The following CCDC57 variants were observed in gnomAD, a reference collection of about 807,000 sequenced individuals.
CCDC57 encodes coiled-coil domain-containing protein 57.
Under a neutral mutation model 118.9 loss-of-function variants are expected in CCDC57, and 118 were observed. The observed-to-expected ratio is 0.99, with a 90% CI of 0.86 to 1.16. The LOEUF is 1.16. Among genes scored for constraint, CCDC57 ranks in the 50% most tolerant of loss-of-function variants. The pLI, the probability that CCDC57 is intolerant of heterozygous loss-of-function variation, is 0.00. For missense variants in CCDC57, 1,300 were observed against 1,320.7 expected (o/e 0.98, Z 0.24); for synonymous variants, 527 against 532.9 (o/e 0.99, Z 0.15).
At position 82,195,379 on chromosome 17, in the gene CCDC57, T is replaced by G; in HGVS notation, c.517-15A>C. On this transcript the variant is annotated splice_polypyrimidine_tract_variant and intron_variant, in intron 4 of 19. Transcript: ENST00000665763. ...AGCAGCAGTTCCTGGAACAAACAGG[T>G]TTCATGATGAAAGAACAGTGGGAAC... The G allele has an allele frequency of 6.4e-7, 1 of 1,571,844 alleles. No homozygotes were observed. The highest frequency in any genetic ancestry group is 2.3e-5 in the East Asian group (1 of 42,742).
exon 9 of CCDC57, chr17:82,183,874 A>C: frequency 6.2e-7 from 1 of 1,613,664 alleles, no homozygotes; most frequent in Non-Finnish European, 8.5e-7. Flanking sequence ...ATCTCCTTAG[A>C]TAGTTGAGCA....
chr17:82,195,829 C>A (rs1315389787), intron 4 of CCDC57, among the ~76,000 whole-genome samples: 1 of 152,120 alleles, frequency 6.6e-6, no homozygotes, highest in African/African-American at 2.4e-5. Context: ...GTGCCAGCAT[C>A]CCAGAGCCCA....
chr17:82,145,694 G>A (rs888872720), intron 16 of CCDC57, among the ~76,000 whole-genome samples: 2 of 152,192 alleles, frequency 1.3e-5, no homozygotes, highest in Non-Finnish European at 2.9e-5. Flanking sequence ...CACTCTGTGG[G>A]CAGAGGGGCC....
intron 19 of CCDC57, among the ~76,000 whole-genome samples, chr17:82,119,742 G>A (rs2036417423): frequency 6.6e-6 from 1 of 152,002 alleles, no homozygotes; most frequent in Non-Finnish European, 1.5e-5. Flanking sequence ...GCAGGTAGCT[G>A]GGGGAAGAAG....
chr17:82,188,163 C>T (rs995367647), intron 8 of CCDC57, 56 bp downstream of exon 7: 37 of 1,458,002 alleles, frequency 2.5e-5, no homozygotes, highest in Non-Finnish European at 3.2e-5. Context: ...CCCAGGTCAG[C>T]ACAGCCACGG....
exon 9 of CCDC57, chr17:82,183,781 T>A: frequency 6.4e-7 from 1 of 1,558,876 alleles, no homozygotes; most frequent in Non-Finnish European, 8.7e-7. Flanking sequence ...TACCTTTCAA[T>A]GTCCTGCTGG....
chr17:82,134,141 C>A lies in CCDC57; in HGVS notation c.2509G>T (p.Glu837Ter). The change falls in exon 17 of 20, where the codon GAG becomes TAG. Residue 837 changes from glutamate (E) to a stop codon, truncating the protein, a stop_gained. Transcript: ENST00000665763. LOFTEE classifies it high-confidence loss of function. ...CGATCCAAAGGCCTCCTGGGCTCCT[C>A]GCCTGGCTTCCGGGCCTCAGGGGCA... 7.2e-7 allele frequency: 1 copy of A among 1,381,808 alleles called. No individual in the cohort carries two copies. Among genetic ancestry groups the A allele is most frequent in the Non-Finnish European group, 9.4e-7 (1 of 1,063,572 alleles). 85.6% of individuals were successfully genotyped at this position (1,381,808 alleles called of 1,614,324 possible).
intron 7 of CCDC57, among the ~76,000 whole-genome samples, chr17:82,193,484 T>G (rs1298144989): frequency 6.7e-6 from 1 of 149,636 alleles, no homozygotes. Flanking sequence ...GAGGGGAGGA[T>G]GCAGTGAGCC....
intron 11 of CCDC57, among the ~76,000 whole-genome samples, chr17:82,175,970 T>C (rs2045417543): frequency 6.6e-6 from 1 of 152,220 alleles, no homozygotes; most frequent in African/African-American, 2.4e-5. Context: ...ATCCCTGATC[T>C]CCCCAAATTT....
intron 8 of CCDC57, among the ~76,000 whole-genome samples, chr17:82,187,213 G>A (rs1015458716): frequency 5.8e-5 from 8 of 137,594 alleles, no homozygotes; most frequent in Non-Finnish European, 1.1e-4. Flanking sequence ...CTCCAGCCTC[G>A]GTAACAGAGC....
At chr17:82,188,051 CA>C (rs11346964) in intron 8 of CCDC57, among the ~76,000 whole-genome samples, 167 bp downstream of exon 7, 62,467 of 124,270 alleles carry the variant, frequency 0.5, 14,477 homozygotes, top group East Asian at 0.85. Context: ...AAAGAAAAGG[CA>C]AAAAAAAAAA....
intron 17 of CCDC57, among the ~76,000 whole-genome samples, chr17:82,129,258 G>T (rs368753656): frequency 1.7e-3 from 252 of 152,194 alleles, no homozygotes; most frequent in African/African-American, 5.8e-3. Context: ...GCCTCTGCCC[G>T]CCCCATGCCT....
intron 19 of CCDC57, among the ~76,000 whole-genome samples, chr17:82,111,806 C>T (rs1405171569): frequency 1.3e-5 from 2 of 151,916 alleles, no homozygotes; most frequent in East Asian, 3.9e-4. Context: ...GGGGTTTTAC[C>T]AAGTTGGCCA....
intron 17 of CCDC57, 132 bp downstream of exon 16, chr17:82,133,941 T>C: frequency 1.1e-6 from 1 of 899,746 alleles, no homozygotes; most frequent in Non-Finnish European, 1.5e-6. Context: ...ATGTTACTAA[T>C]AACTATATCT....
At chr17:82,149,817 A>G (rs2041620300) in intron 16 of CCDC57, among the ~76,000 whole-genome samples, 1 of 148,940 alleles carries the variant, frequency 6.7e-6, no homozygotes, top group Non-Finnish European at 1.5e-5. Context: ...CCTGACCCAC[A>G]CCCAGAACCA....
At chr17:82,165,553 AG>A (rs1187906830) in intron 13 of CCDC57, among the ~76,000 whole-genome samples, 1 of 151,674 alleles carries the variant, frequency 6.6e-6, no homozygotes, top group Non-Finnish European at 1.5e-5. Flanking sequence ...GGGGACGTGC[AG>A]GTGGAGCCCT....
At chr17:82,137,671 G>A (rs556488261) in intron 16 of CCDC57, among the ~76,000 whole-genome samples, 29 of 150,596 alleles carry the variant, frequency 1.9e-4, no homozygotes, top group Non-Finnish European at 4.0e-4. Flanking sequence ...GCTTTCAGGA[G>A]ACTTTTCTTT....
intron 16 of CCDC57, among the ~76,000 whole-genome samples, chr17:82,136,147 A>T (rs989413054): frequency 5.9e-5 from 9 of 152,180 alleles, no homozygotes; most frequent in Non-Finnish European, 1.3e-4. Context: ...CTGAATGTTC[A>T]CAGCAATATT....
chr17:82,206,978 G>A (rs1208739561), intron 2 of CCDC57, among the ~76,000 whole-genome samples: 1 of 152,114 alleles, frequency 6.6e-6, no homozygotes, highest in African/African-American at 2.4e-5. Flanking sequence ...GCCCTTTCCC[G>A]AAACAAACCC....
Sources: gnomAD v4.1 joint callset for allele counts (sites outside exome capture counted in the v4.1 genomes callset) on GRCh38, gnomAD v4.1.1 for gene constraint, MANE v1.5 for transcripts, NCBI Gene and HGNC (gene_info 2026-07-23, HGNC 2026-07-21) for gene names.